CMTM8: variants seen among roughly 807,000 people sequenced by gnomAD.
CMTM8 encodes CKLF like MARVEL transmembrane domain containing 8.
CMTM8 carries 12 observed loss-of-function variants against 18.6 expected under a neutral mutation model. The ratio of observed to expected loss-of-function variants is 0.65; its 90% confidence interval spans 0.41 to 1.05. CMTM8 has a LOEUF of 1.05. CMTM8 is among the 50% of genes least tolerant of loss of function. The pLI is 0.00. For synonymous variants in CMTM8, 87 were observed against 90.6 expected (o/e 0.96, Z 0.23); for missense variants, 217 against 227.2 (o/e 0.95, Z 0.29).
At chr3:32,361,106 C>T (rs529374840) in intron 2 of CMTM8, among the ~76,000 whole-genome samples, 4 of 152,188 alleles carry the variant, frequency 2.6e-5, no homozygotes, top group Non-Finnish European at 4.4e-5. Flanking sequence ...CTCAGCCTCC[C>T]GCGTAGCTGG....
At chr3:32,267,135 A>G (rs1007782553) in intron 1 of CMTM8, among the ~76,000 whole-genome samples, 1 of 152,156 alleles carries the variant, frequency 6.6e-6, no homozygotes, top group African/African-American at 2.4e-5. Flanking sequence ...AGGAGCCCGC[A>G]TCGCCAAGTC....
At chr3:32,254,562 C>T (rs1368832789) in intron 1 of CMTM8, among the ~76,000 whole-genome samples, 1 of 151,994 alleles carries the variant, frequency 6.6e-6, no homozygotes, top group East Asian at 1.9e-4. Context: ...TTTGGAGTTA[C>T]TTTAAAATTT....
rs144086365 is a variant in CMTM8, at chr3:32,300,976, T to A, written c.148-56397T>A. ...ACTCCATCTCAAAAAAAAAAAAAAATCTTTTAATTTTTTTCAACCATTTAA... is the reference window on the plus strand; with the variant it reads ...ACTCCATCTCAAAAAAAAAAAAAAAACTTTTAATTTTTTTCAACCATTTAA... On this transcript the variant is annotated intron_variant, in intron 1 of 3. Transcript: ENST00000307526. Among the ~76,000 whole-genome samples the A allele has an allele frequency of 4.2e-3, 341 of 80,606 alleles. 3 individuals are homozygous for A. The highest frequency in any genetic ancestry group is 6.9e-3 in the Admixed American group (45 of 6,490). 52.9% of individuals were successfully genotyped at this position (80,606 alleles called of 152,430 possible).
At chr3:32,279,302 A>G (rs1702570098) in intron 1 of CMTM8, among the ~76,000 whole-genome samples, 2 of 141,282 alleles carry the variant, frequency 1.4e-5, no homozygotes, top group South Asian at 2.5e-4. Flanking sequence ...ATCATTAGGT[A>G]TATCTCCCAC....
chr3:32,330,616 T>C (rs886299934), intron 1 of CMTM8, among the ~76,000 whole-genome samples: 11 of 152,158 alleles, frequency 7.2e-5, no homozygotes, highest in Non-Finnish European at 1.5e-5. Flanking sequence ...CGCTCATATA[T>C]GTAGTCAAAA....
intron 1 of CMTM8, among the ~76,000 whole-genome samples, chr3:32,242,525 G>A (rs1185759641): frequency 3.3e-5 from 5 of 151,828 alleles, no homozygotes; most frequent in Non-Finnish European, 5.9e-5. Context: ...ACAGGGTTTC[G>A]CCATGTTGCT....
chr3:32,293,077 GTATA>G (rs61467491), intron 1 of CMTM8, among the ~76,000 whole-genome samples: 5 of 145,748 alleles, frequency 3.4e-5, no homozygotes, highest in African/African-American at 5.0e-5. Context: ...ATATGTGTGT[GTATA>G]TATATATATA....
At chr3:32,269,623 A>G (rs1312930885) in intron 1 of CMTM8, among the ~76,000 whole-genome samples, 1 of 152,124 alleles carries the variant, frequency 6.6e-6, no homozygotes, top group Non-Finnish European at 1.5e-5. Context: ...CAATCTCCCA[A>G]GGTATGAAAA....
At chr3:32,337,482 C>G (rs1166703513) in intron 1 of CMTM8, among the ~76,000 whole-genome samples, 1 of 152,158 alleles carries the variant, frequency 6.6e-6, no homozygotes, top group Non-Finnish European at 1.5e-5. Flanking sequence ...TTAATGGTGA[C>G]CCAGGACCAT....
At chr3:32,306,684 C>T (rs942983478) in intron 1 of CMTM8, among the ~76,000 whole-genome samples, 1 of 152,190 alleles carries the variant, frequency 6.6e-6, no homozygotes, top group Non-Finnish European at 1.5e-5. Flanking sequence ...TCTATAGGAA[C>T]AGCAGAAGAT....
chr3:32,353,079 C>T (rs535512340), intron 1 of CMTM8, among the ~76,000 whole-genome samples: 4 of 152,326 alleles, frequency 2.6e-5, no homozygotes, highest in Admixed American at 2.0e-4. Flanking sequence ...CTGCAACCTC[C>T]ACTTTCCCAG....
chr3:32,243,530 CAAA>C (rs376396855), intron 1 of CMTM8, among the ~76,000 whole-genome samples: 1,830 of 104,344 alleles, frequency 0.018, 30 homozygotes, highest in Middle Eastern at 0.071. Context: ...GACCCTGTCT[CAAA>C]AAAAAAAAAA....
At chr3:32,291,303 G>T (rs781518173) in intron 1 of CMTM8, among the ~76,000 whole-genome samples, 13 of 151,734 alleles carry the variant, frequency 8.6e-5, no homozygotes, top group Non-Finnish European at 1.6e-4. Flanking sequence ...TAATTTTTTT[G>T]TTGTTGTTGT....
chr3:32,283,570 C>G (rs1174203576), intron 1 of CMTM8, among the ~76,000 whole-genome samples: 1 of 152,208 alleles, frequency 6.6e-6, no homozygotes, highest in Non-Finnish European at 1.5e-5. Flanking sequence ...CGGGACACGT[C>G]TAGGCATTTC....
At chr3:32,303,731 C>A (rs1325086188) in intron 1 of CMTM8, among the ~76,000 whole-genome samples, 2 of 151,944 alleles carry the variant, frequency 1.3e-5, no homozygotes, top group Non-Finnish European at 2.9e-5. Context: ...TTTGCCAGCT[C>A]ACATTTTTTT....
chr3:32,303,985 C>T lies in CMTM8; in HGVS notation c.148-53388C>T, dbSNP rs530327585. Among the ~76,000 whole-genome samples, 26 of 152,216 alleles carry T rather than the reference C, an allele frequency of 1.7e-4. No homozygotes were observed. The East Asian group carries it at 3.1e-3, about 18-fold the overall frequency. ...CCATATTCAAATTTTCTACTTTGTC[C>T]CAAGAATGTCCTTTACTTCAGCCTT... On this transcript the variant is annotated intron_variant, in intron 1 of 3. Coordinates refer to ENST00000307526, the MANE Select transcript of CMTM8 (RefSeq NM_178868.5).
At chr3:32,333,488 C>T (rs971489290) in intron 1 of CMTM8, among the ~76,000 whole-genome samples, 1 of 152,148 alleles carries the variant, frequency 6.6e-6, no homozygotes, top group Admixed American at 6.5e-5. Context: ...ATTGTGTATA[C>T]ACTGATGTTT....
At chr3:32,293,781 G>A (rs1271884075) in intron 1 of CMTM8, among the ~76,000 whole-genome samples, 1 of 152,218 alleles carries the variant, frequency 6.6e-6, no homozygotes, top group Admixed American at 6.5e-5. Flanking sequence ...GGAGGTAGAG[G>A]TTGCTGTGAG....
intron 2 of CMTM8, among the ~76,000 whole-genome samples, chr3:32,359,269 A>G (rs145678166): frequency 6.6e-6 from 1 of 152,320 alleles, no homozygotes; most frequent in Non-Finnish European, 1.5e-5. Flanking sequence ...CAATTTGTAA[A>G]TGAATGAGCA....
Sources: gnomAD v4.1 joint callset for allele counts (sites outside exome capture counted in the v4.1 genomes callset) on GRCh38, gnomAD v4.1.1 for gene constraint, MANE v1.5 for transcripts, NCBI Gene and HGNC (gene_info 2026-07-23, HGNC 2026-07-21) for gene names.